The following KIF26A variants were observed in gnomAD, a reference collection of about 807,000 sequenced individuals.
KIF26A encodes kinesin family member 26A.
Under a neutral mutation model 126.0 loss-of-function variants are expected in KIF26A, and 74 were observed. The observed-to-expected ratio is 0.59, with a 90% CI of 0.49 to 0.71. The LOEUF (loss-of-function observed/expected upper bound fraction) is 0.71. Among genes scored for constraint, KIF26A ranks in the 30% least tolerant of loss-of-function variants. The pLI is 0.00. For missense variants in KIF26A, 2,984 were observed against 2,763.3 expected (o/e 1.08, Z -1.79); for synonymous variants, 1,445 against 1,232.7 (o/e 1.17, Z -3.61).
intron 2 of KIF26A, among the ~76,000 whole-genome samples, chr14:104,141,272 G>T (rs1247154551): frequency 2.0e-5 from 3 of 152,248 alleles, no homozygotes; most frequent in African/African-American, 7.2e-5. Flanking sequence ...CCTCTGCTCT[G>T]TAAGGCCAAC....
chr14:104,143,476 C>T (rs2037655001), intron 2 of KIF26A, among the ~76,000 whole-genome samples: 1 of 152,116 alleles, frequency 6.6e-6, no homozygotes, highest in South Asian at 2.1e-4. Flanking sequence ...GCCAGCTTTT[C>T]GTTCCTCCTG....
chr14:104,177,928 G>GT, intron 12 of KIF26A, 30 bp downstream of exon 12: 1 of 1,470,564 alleles, frequency 6.8e-7, no homozygotes. Context: ...GCCCTCTACA[G>GT]TTTACGGGCT....
chr14:104,157,571 C>A (rs1219121852), intron 3 of KIF26A, among the ~76,000 whole-genome samples, 184 bp from the exon 4 acceptor site: 1 of 152,184 alleles, frequency 6.6e-6, no homozygotes, highest in Non-Finnish European at 1.5e-5. Flanking sequence ...TCCCCACTGG[C>A]CTCTCTGCCA....
rs1359073029 is a variant in KIF26A at position 104,147,888 on chromosome 14, G to A, written c.289-4127G>A. ...TTCGGGGCCTAGTTACCCTCCCAGC[G>A]GCCCTGCCAGTGGGTGCCAGAGCTC... On this transcript the variant is annotated intron_variant, in intron 2 of 14. Coordinates refer to ENST00000423312, the MANE Select transcript of KIF26A (RefSeq NM_015656.2). Among the ~76,000 whole-genome samples, 4 of 152,310 alleles carry A rather than the reference G, an allele frequency of 2.6e-5. No homozygotes were observed. In the East Asian group the frequency reaches 5.8e-4, roughly 22 times the overall value.
rs927950321 is a variant in KIF26A, at chr14:104,151,193, GC to G, written c.289-820del. On this transcript the variant is annotated intron_variant, in intron 2 of 14. Coordinates refer to ENST00000423312, the MANE Select transcript of KIF26A (RefSeq NM_015656.2). This position sits in a 1 kb window ranked among gnomAD's most constrained non-coding sequence, Gnocchi z 4.9. ...TGGAAGATGTCACTGCCTCCAGGAA[GC>G]CTTCCCTGACTCTGAGGCTGGGTGA... Among the ~76,000 whole-genome samples the G allele has an allele frequency of 3.9e-5, 6 of 152,154 alleles. No individual in the cohort carries two copies. The highest frequency in any genetic ancestry group is 8.8e-5 in the Non-Finnish European group (6 of 68,010).
At position 104,180,681 on chromosome 14, in the gene KIF26A, G is replaced by A. The variant is rs2038093257; in HGVS notation, c.*891G>A. The A allele has an allele frequency of 6.5e-6, 1 of 154,066 alleles. No individual in the cohort carries two copies. The highest frequency in any genetic ancestry group is 6.5e-5 in the Admixed American group (1 of 15,288). The allele number at this position is 154,066 out of a possible 1,614,324, so 9.5% of individuals were successfully genotyped here. On this transcript the variant is annotated 3_prime_UTR_variant, in exon 15 of 15. Transcript: ENST00000423312. ...AGCTGTGGGAGGCCTGCTCCCTCTG[G>A]GGGGCACCCTGGGCAGGGTGGGGGG...
At position 104,141,524 on chromosome 14, in the gene KIF26A, G is replaced by A. The variant is rs1434116781; in HGVS notation, c.288+2236G>A. Among the ~76,000 whole-genome samples, 4 of 152,160 alleles carry A rather than the reference G, an allele frequency of 2.6e-5. 1 individual carries two copies. The highest frequency in any genetic ancestry group is 4.2e-4 in the South Asian group (2 of 4,818). Reference sequence around the variant, plus strand: ...GCCTGTCTCCGTTGTAGAGGGAGGCGTAGAGGGTCGGGGCCCAGCCTGCCA... The same window carrying A: ...GCCTGTCTCCGTTGTAGAGGGAGGCATAGAGGGTCGGGGCCCAGCCTGCCA... On this transcript the variant is annotated intron_variant, in intron 2 of 14. Transcript: ENST00000423312.
At chr14:104,163,863 G>T (rs987842499) in intron 4 of KIF26A, among the ~76,000 whole-genome samples, 1 of 151,996 alleles carries the variant, frequency 6.6e-6, no homozygotes, top group Non-Finnish European at 1.5e-5. Flanking sequence ...CCCCGAGGCG[G>T]CGGGTGGGCT....
chr14:104,174,458 T>C, intron 11 of KIF26A, 148 bp downstream of exon 11: 1 of 876,496 alleles, frequency 1.1e-6, no homozygotes, highest in Non-Finnish European at 1.6e-6. Flanking sequence ...CATGAGGCTA[T>C]GCCCATGTGG....
rs1242697314 is a variant in KIF26A, at chr14:104,179,096, C to T, written c.5317-140C>T. 14 of 1,027,888 alleles carry T rather than the reference C, an allele frequency of 1.4e-5. No homozygotes were observed. The South Asian group carries it at 2.2e-4, about 16-fold the overall frequency. 63.7% of individuals were successfully genotyped at this position (1,027,888 alleles called of 1,614,324 possible). A position where few individuals can be genotyped will look rare whatever the true frequency, so the allele number is the denominator to read the frequency against. On this transcript the variant is annotated intron_variant, in intron 13 of 14. Coordinates refer to ENST00000423312, the MANE Select transcript of KIF26A (RefSeq NM_015656.2). ...GCATGGGTGGGCTGCCCCAGGTCCG[C>T]CCCCTGCCCGCCCTTGGAGCCCCAC...
intron 4 of KIF26A, among the ~76,000 whole-genome samples, chr14:104,165,569 G>T: frequency 7.1e-6 from 1 of 140,230 alleles, no homozygotes; most frequent in African/African-American, 3.0e-5. Context: ...GTGTGTTTCT[G>T]TATGCATGTG....
chr14:104,177,658 C>G lies in KIF26A; in HGVS notation c.4870C>G (p.Arg1624Gly). Reference protein sequence around the residue: ...SKVTAPRRPQRYSSGHGSDNS... With the variant: ...SKVTAPRRPQGYSSGHGSDNS... ...GGTGACCGCCCCACGGCGGCCCCAG[C>G]GCTACAGCAGCGGCCATGGCAGCGA... Residue 1624 changes from arginine to glycine, a missense_variant, in exon 12 of 15, where the codon CGC becomes GGC. Arg to Gly is a moderately radical substitution (Grantham distance 125). Transcript: ENST00000423312. 1.3e-6 allele frequency: 2 copies of G among 1,527,698 alleles called. No individual in the cohort carries two copies. The highest frequency in any genetic ancestry group is 1.8e-6 in the Non-Finnish European group (2 of 1,141,770). 94.6% of individuals were successfully genotyped at this position (1,527,698 alleles called of 1,614,324 possible). A position where few individuals can be genotyped will look rare whatever the true frequency, so the allele number is the denominator to read the frequency against.
At chr14:104,164,207 G>A (rs968476233) in intron 4 of KIF26A, among the ~76,000 whole-genome samples, 3 of 151,904 alleles carry the variant, frequency 2.0e-5, no homozygotes, top group Admixed American at 6.6e-5. Flanking sequence ...CCACACTGGG[G>A]TCAGTTTTAG....
In KIF26A at chr14:104,176,250, G is replaced by A. The variant is rs1192674398; in HGVS notation, c.3462G>A (p.Gly1154=). The change falls in exon 12 of 15, where the codon GGG becomes GGA. Residue 1154 remains glycine, a synonymous_variant. Coordinates refer to ENST00000423312, the MANE Select transcript of KIF26A (RefSeq NM_015656.2). ...CCCCTGCCCTGGATGGTTCCCTGGGGGATGGAAGCTCTGGGTTCCTGGGGC... is the reference window on the plus strand; with the variant it reads ...CCCCTGCCCTGGATGGTTCCCTGGGAGATGGAAGCTCTGGGTTCCTGGGGC... ...GGPPALDGSL[G]DGSSGFLGPD... is the part of the protein sequence containing the mutation. 1 of 1,598,226 alleles carries A rather than the reference G, an allele frequency of 6.3e-7. No individual in the cohort carries two copies. Among genetic ancestry groups the A allele is most frequent in the Admixed American group, 1.7e-5 (1 of 58,260 alleles).
Position 104,176,784 on chromosome 14 carries a change from C to T in KIF26A, c.3996C>T (p.Cys1332=). The T allele has an allele frequency of 6.4e-7, 1 of 1,572,254 alleles. No homozygotes were observed. The highest frequency in any genetic ancestry group is 8.6e-7 in the Non-Finnish European group (1 of 1,160,144). ...ATGCTCCCACGGAGGTGGTGGCCTG[C>T]TCGGGGAGCCTGAAGGCCTCCCCCA... ...WGDAPTEVVA[C]SGSLKASPTS... The change falls in exon 12 of 15, where the codon TGC becomes TGT. Residue 1332 remains cysteine (C), a synonymous_variant. Coordinates refer to ENST00000423312, the MANE Select transcript of KIF26A (RefSeq NM_015656.2).
chr14:104,175,145 C>T lies in KIF26A; in HGVS notation c.2357C>T (p.Ser786Phe), dbSNP rs775997706. 6.2e-7 allele frequency: 1 copy of T among 1,607,774 alleles called. No individual in the cohort carries two copies. Among genetic ancestry groups the T allele is most frequent in the Non-Finnish European group, 8.5e-7 (1 of 1,178,064 alleles). ...DPDYSSSSEQSCDTVIYVGPG... is the reference protein window; with the variant it reads ...DPDYSSSSEQFCDTVIYVGPG... Reference sequence around the variant, plus strand: ...GATTACTCCTCCAGCAGCGAGCAGTCCTGTGACACGGTCATCTACGTGGGG... The same window carrying T: ...GATTACTCCTCCAGCAGCGAGCAGTTCTGTGACACGGTCATCTACGTGGGG... Residue 786 changes from serine to phenylalanine, a missense_variant, in exon 12 of 15, where the codon TCC becomes TTC. Physicochemically the swap from Ser to Phe is radical, Grantham distance 155. Transcript: ENST00000423312.
chr14:104,164,684 A>T (rs895127124), intron 4 of KIF26A, among the ~76,000 whole-genome samples: 2 of 150,528 alleles, frequency 1.3e-5, no homozygotes, highest in Admixed American at 6.6e-5. Context: ...CTGCGTGTGT[A>T]TGTGTGTGCT....
chr14:104,157,734 G>T, intron 3 of KIF26A, 21 bp from the exon 4 acceptor site: 2 of 1,606,048 alleles, frequency 1.2e-6, no homozygotes, highest in South Asian at 1.1e-5. Context: ...TTCCTTATAC[G>T]CACTCTCTCC....
Position 104,177,469 on chromosome 14 carries a change from C to T in KIF26A, c.4681C>T (p.Arg1561Trp), listed in dbSNP as rs932474764. 2.6e-5 allele frequency: 40 copies of T among 1,532,370 alleles called. No individual in the cohort carries two copies. The highest frequency in any genetic ancestry group is 5.5e-5 in the African/African-American group (4 of 72,886). 94.9% of individuals were successfully genotyped at this position (1,532,370 alleles called of 1,614,324 possible). ...GTVMGTKQAL[R>W]AAHSRVHELS... ...CGTCATGGGCACAAAGCAGGCGCTC[C>T]GGGCTGCTCACAGCCGCGTCCATGA... Residue 1561 changes from arginine (R) to tryptophan (W), a missense_variant, in exon 12 of 15, where the codon CGG becomes TGG. Coordinates refer to ENST00000423312, the MANE Select transcript of KIF26A (RefSeq NM_015656.2).
Sources: gnomAD v4.1 joint callset for allele counts (sites outside exome capture counted in the v4.1 genomes callset) on GRCh38, gnomAD v4.1.1 for gene constraint, Gnocchi (gnomAD v3.1) non-coding constraint, MANE v1.5 for transcripts, NCBI Gene and HGNC (gene_info 2026-07-23, HGNC 2026-07-21) for gene names.